Variants in FER1L5 observed in about 807,000 individuals in gnomAD.
FER1L5 encodes the protein fer-1 like family member 5, also known as fer-1-like protein 5.
FER1L5 carries 187 observed loss-of-function variants against 279.9 expected under a neutral mutation model. The observed-to-expected ratio is 0.67, with a 90% CI of 0.59 to 0.75. FER1L5 has a LOEUF of 0.75. Ranked by LOEUF, FER1L5 falls within the 30% of genes least tolerant of loss-of-function variation. The probability of loss-of-function intolerance (pLI) is 0.00; values close to 1 mark genes in which losing one functional copy is unlikely to be tolerated. For synonymous variants in FER1L5, 921 were observed against 989.7 expected (o/e 0.93, Z 1.30); for missense variants, 2,091 against 2,594.4 (o/e 0.81, Z 4.21).
chr2:96,648,091 C>T (rs1156821081), intron 4 of FER1L5, among the ~76,000 whole-genome samples: 1 of 152,226 alleles, frequency 6.6e-6, no homozygotes, highest in Non-Finnish European at 1.5e-5. Context: ...TGGGAGTCAA[C>T]CACTGTGCCA....
chr2:96,700,447 C>A lies in FER1L5; in HGVS notation c.5046C>A (p.Ser1682Arg), dbSNP rs2077548746. 1 of 1,613,504 alleles carries A rather than the reference C, an allele frequency of 6.2e-7. No homozygotes were observed. The highest frequency in any genetic ancestry group is 8.5e-7 in the Non-Finnish European group (1 of 1,179,898). ...PEHVETRTLY[S>R]HSQPGIDQGK... ...ACGTGGAGACCCGCACACTGTACAG[C>A]CACAGCCAGCCAGGCATCGACCAGG... is the stretch of plus-strand genomic sequence containing the variant. The change falls in exon 45 of 53, where the codon AGC becomes AGA. Residue 1682 changes from serine to arginine, a missense_variant. Transcript: ENST00000624922.
intron 21 of FER1L5, 129 bp from the exon 22 acceptor site, chr2:96,685,811 C>A: frequency 8.3e-7 from 1 of 1,206,222 alleles, no homozygotes; most frequent in Non-Finnish European, 1.1e-6. Context: ...GGCTCCTGGG[C>A]CAGGCTAGCA....
chr2:96,700,596 C>G (rs2077556008), intron 45 of FER1L5, 125 bp downstream of exon 45: 4 of 1,274,890 alleles, frequency 3.1e-6, no homozygotes, highest in Non-Finnish European at 4.4e-6. Context: ...TAGTAATGTA[C>G]ATGCACAGAA....
chr2:96,686,258 GCA>G lies in FER1L5; in HGVS notation c.2140_2141del (p.Gln714GlyfsTer34). 1 of 1,551,636 alleles carries G rather than the reference GCA, an allele frequency of 6.4e-7. No homozygotes were observed. The highest frequency in any genetic ancestry group is 8.7e-7 in the Non-Finnish European group (1 of 1,146,982). ...GGCCAAGGAGCAGCGAGTGGCCTAT[GCA>G]CAGGTGCCTGCCCACTCCGTCCTCT... ...LVAKEQRVAY[A>X]QVPAHSVLFS... On this transcript the variant is annotated frameshift_variant, in exon 23 of 53. Transcript: ENST00000624922. LOFTEE classifies it high-confidence loss of function.
chr2:96,698,623 G>C lies in FER1L5; in HGVS notation c.4357-48G>C. ...GGCACCTCCCAGAGGGCTTTACAGA[G>C]CTGGCCAGCACTGCCAGGCTGGGCC... On this transcript the variant is annotated intron_variant, in intron 40 of 52. Transcript: ENST00000624922. This position sits in a 1 kb window ranked among gnomAD's most constrained non-coding sequence, Gnocchi z 5.5. 1 of 1,504,490 alleles carries C rather than the reference G, an allele frequency of 6.6e-7. No homozygotes were observed. Among genetic ancestry groups the C allele is most frequent in the Non-Finnish European group, 9.1e-7 (1 of 1,104,930 alleles). 93.2% of individuals were successfully genotyped at this position (1,504,490 alleles called of 1,614,324 possible).
intron 13 of FER1L5, among the ~76,000 whole-genome samples, chr2:96,662,525 G>A (rs568308456): frequency 1.3e-5 from 2 of 152,096 alleles, no homozygotes; most frequent in Admixed American, 6.5e-5. Flanking sequence ...GAACACCATC[G>A]AAACTGTCGC....
rs761502179 is a variant in FER1L5, at chr2:96,685,311, T to G, written c.1795-18T>G. Reference sequence around the variant, plus strand: ...ATGCTGAGGCGGGCTCTCTCACCATTTCTCTCCTGCTGGGCAGAAAGCCAA... The same window carrying G: ...ATGCTGAGGCGGGCTCTCTCACCATGTCTCTCCTGCTGGGCAGAAAGCCAA... On this transcript the variant is annotated intron_variant, in intron 20 of 52. Transcript: ENST00000624922. 5.2e-6 allele frequency: 8 copies of G among 1,550,546 alleles called. No homozygotes were observed. In the African/African-American group the frequency reaches 8.2e-5, roughly 16 times the overall value.
intron 31 of FER1L5, 110 bp downstream of exon 31, chr2:96,692,291 C>A: frequency 8.3e-7 from 1 of 1,205,644 alleles, no homozygotes; most frequent in Non-Finnish European, 1.2e-6. Context: ...CCAGCCAGGG[C>A]CCCTGCCTGT....
chr2:96,704,639 C>T lies in FER1L5; in HGVS notation c.6121C>T (p.Pro2041Ser), dbSNP rs1315363108. The T allele has an allele frequency of 1.9e-6, 3 of 1,613,880 alleles. No individual in the cohort carries two copies. Among genetic ancestry groups the T allele is most frequent in the African/African-American group, 1.3e-5 (1 of 74,924 alleles). Reference protein sequence around the residue: ...IDHEWKLHPGPTNHLSDIFPE... With the variant: ...IDHEWKLHPGSTNHLSDIFPE... ...CCATGAGTGGAAACTCCACCCAGGACCCACAAATCACCTGAGTGATATTTT... is the reference window on the plus strand; with the variant it reads ...CCATGAGTGGAAACTCCACCCAGGATCCACAAATCACCTGAGTGATATTTT... The change falls in exon 53 of 53, where the codon CCC becomes TCC. Residue 2041 changes from proline (P) to serine (S), a missense_variant. Physicochemically the swap from Pro to Ser is moderately conservative, Grantham distance 74 (BLOSUM62 -1). Coordinates refer to ENST00000624922, the MANE Select transcript of FER1L5 (RefSeq NM_001293083.2).
intron 37 of FER1L5, among the ~76,000 whole-genome samples, chr2:96,697,056 T>G (rs747030507): frequency 1.3e-5 from 2 of 152,224 alleles, no homozygotes; most frequent in Non-Finnish European, 2.9e-5. Context: ...TCCTGAGGCC[T>G]AAGCCACTGA....
At chr2:96,703,391 T>C in intron 50 of FER1L5, 45 bp downstream of exon 50, 13 of 1,596,824 alleles carry the variant, frequency 8.1e-6, no homozygotes, top group Non-Finnish European at 1.0e-5. Context: ...CTATGCCACA[T>C]GTCCTGGCTC....
intron 19 of FER1L5, among the ~76,000 whole-genome samples, chr2:96,677,073 C>T (rs955603081): frequency 1.4e-4 from 22 of 152,220 alleles, no homozygotes; most frequent in African/African-American, 5.3e-4. Flanking sequence ...AACTCCTGAC[C>T]TCAGGTCATC....
chr2:96,673,367 T>C, intron 19 of FER1L5, 113 bp downstream of exon 19: 3 of 1,166,500 alleles, frequency 2.6e-6, no homozygotes, highest in Non-Finnish European at 3.5e-6. Flanking sequence ...TATTTACCTA[T>C]ATTTCACACA....
intron 45 of FER1L5, 62 bp downstream of exon 45, chr2:96,700,533 T>C: frequency 6.2e-7 from 1 of 1,602,794 alleles, no homozygotes; most frequent in South Asian, 1.1e-5. Flanking sequence ...GAGACAGAGA[T>C]GCCTGTCCAC....
At chr2:96,655,083 G>C (rs118187601) in intron 9 of FER1L5, among the ~76,000 whole-genome samples, 1 of 152,048 alleles carries the variant, frequency 6.6e-6, no homozygotes, top group Non-Finnish European at 1.5e-5. Context: ...AGCTCAGGGC[G>C]CCATGTTGAA....
chr2:96,658,683 A>G (rs541047130), intron 9 of FER1L5, among the ~76,000 whole-genome samples: 11 of 152,180 alleles, frequency 7.2e-5, no homozygotes, highest in African/African-American at 2.6e-4. Context: ...ACAATACTTG[A>G]TCTAGTCCAT....
intron 14 of FER1L5, among the ~76,000 whole-genome samples, chr2:96,663,770 C>T (rs576408903): frequency 1.3e-5 from 2 of 152,180 alleles, no homozygotes; most frequent in South Asian, 2.1e-4. Flanking sequence ...TGGCTGGGCA[C>T]GGTGGCTTAC....
Position 96,702,535 on chromosome 2 carries a change from TG to T in FER1L5, c.5256-61del. Reference sequence around the variant, plus strand: ...GGCGTCGGCTGGGCAGCCCTTCCCATGGGGCTCCAGCTGGGGGATGGGGCCA... The same window carrying T: ...GGCGTCGGCTGGGCAGCCCTTCCCATGGGCTCCAGCTGGGGGATGGGGCCA... On this transcript the variant is annotated intron_variant, in intron 47 of 52. Coordinates refer to ENST00000624922, the MANE Select transcript of FER1L5 (RefSeq NM_001293083.2). This position sits in a 1 kb window ranked among gnomAD's most constrained non-coding sequence, Gnocchi z 4.0. 1 of 1,550,752 alleles carries T rather than the reference TG, an allele frequency of 6.4e-7. No individual in the cohort carries two copies. The highest frequency in any genetic ancestry group is 8.7e-7 in the Non-Finnish European group (1 of 1,146,526).
chr2:96,687,853 C>G lies in FER1L5; in HGVS notation c.2267C>G (p.Ala756Gly). 1.9e-6 allele frequency: 3 copies of G among 1,551,292 alleles called. No individual in the cohort carries two copies. The highest frequency in any genetic ancestry group is 2.6e-6 in the Non-Finnish European group (3 of 1,146,974). Residue 756 changes from alanine to glycine, a missense_variant, in exon 24 of 53, where the codon GCT (alanine) becomes GGT (glycine). Physicochemically the swap from Ala to Gly is moderately conservative, Grantham distance 60. Coordinates refer to ENST00000624922, the MANE Select transcript of FER1L5 (RefSeq NM_001293083.2). ...GAAGGACAGAAGGATGTGCTCCCAG[C>G]TCACCTCCGGGTCTGCATGTGGCTT... The part of the protein sequence containing the change: ...EGEGQKDVLP[A>G]HLRVCMWLGN...
Sources: allele counts gnomAD v4.1 joint callset (sites outside exome capture counted in the v4.1 genomes callset), GRCh38; gene constraint gnomAD v4.1.1; non-coding constraint Gnocchi (gnomAD v3.1); transcripts MANE v1.5; gene names NCBI Gene and HGNC (gene_info 2026-07-23, HGNC 2026-07-21).